LTBP2: variants seen among roughly 807,000 people sequenced by gnomAD.
LTBP2 encodes the protein latent transforming growth factor beta binding protein 2.
In LTBP2, 103 loss-of-function variants were observed where a neutral mutation model predicts 210.6. The observed-to-expected ratio is 0.49, with a 90% confidence interval of 0.42 to 0.58. The LOEUF is 0.58. Ranked by LOEUF, LTBP2 falls within the 20% of genes least tolerant of loss-of-function variation. The pLI is 0.00. For synonymous variants in LTBP2, 1,007 were observed against 1,015.0 expected, an observed-to-expected ratio of 0.99 and a Z score of 0.15; for missense variants, 2,313 against 2,494.5, an observed-to-expected ratio of 0.93 and a Z score of 1.55.
At chr14:74,525,009 C>T (rs2087253543) in intron 15 of LTBP2, 115 bp downstream of exon 15, 2 of 519,800 alleles carry the variant, frequency 3.8e-6, no homozygotes, top group South Asian at 1.3e-4. Flanking sequence ...GGGACTTTAC[C>T]TAGTTGGAAA....
rs59313477 is a variant in LTBP2, at chr14:74,604,164, CA to C, written c.495-460del. Among the ~76,000 whole-genome samples, 77 of 72,736 alleles carry C rather than the reference CA, an allele frequency of 1.1e-3. 1 individual carries two copies. Among genetic ancestry groups the C allele is most frequent in the East Asian group, 4.5e-3 (10 of 2,232 alleles). 47.7% of individuals were successfully genotyped at this position (72,736 alleles called of 152,430 possible). ...GCTCCAACTCTACATTGCCTCTCACCAAAAAAAAAAAAAAAAAAAACCACAC... is the reference window on the plus strand; with the variant it reads ...GCTCCAACTCTACATTGCCTCTCACCAAAAAAAAAAAAAAAAAAACCACAC... On this transcript the variant is annotated intron_variant, in intron 1 of 35. Transcript: ENST00000261978.
At chr14:74,507,613 C>T (rs1033835190) in intron 25 of LTBP2, among the ~76,000 whole-genome samples, 2 of 152,220 alleles carry the variant, frequency 1.3e-5, no homozygotes, top group African/African-American at 2.4e-5. Flanking sequence ...TCTCTTTACA[C>T]GAAGCCTTCA....
Position 74,503,370 on chromosome 14 carries a change from G to A in LTBP2, c.4737C>T (p.His1579=), listed in dbSNP as rs748301004. Reference sequence around the variant, plus strand: ...TCCAGCAGATGTCCATGTGGATGTCGTGGTCAGGGAGGTCCTCTGGTGGCA... The same window carrying A: ...TCCAGCAGATGTCCATGTGGATGTCATGGTCAGGGAGGTCCTCTGGTGGCA... ...STSSTEDLPD[H]DIHMDICWKK... is the part of the protein sequence containing the mutation. The change falls in exon 33 of 36, where the codon CAC becomes CAT. Residue 1579 remains histidine (H), a synonymous_variant. Transcript: ENST00000261978. The A allele has an allele frequency of 8.1e-6, 13 of 1,612,904 alleles. No homozygotes were observed. Among genetic ancestry groups the A allele is most frequent in the African/African-American group, 4.0e-5 (3 of 74,926 alleles).
In LTBP2 at chr14:74,505,180, C is replaced by A; in HGVS notation, c.4178-6G>T. The A allele has an allele frequency of 6.2e-7, 1 of 1,611,970 alleles. No homozygotes were observed. On this transcript the variant is annotated splice_region_variant and splice_polypyrimidine_tract_variant and intron_variant, in intron 28 of 35. Transcript: ENST00000261978. ...GGCCTCAGACATACTCTGACCTGTG[C>A]GTGACAGATGCTCATTACTGTCTGT... is the stretch of plus-strand genomic sequence containing the variant.
At position 74,504,773 on chromosome 14, in the gene LTBP2, A is replaced by G. The variant is rs1488953339; in HGVS notation, c.4453+5T>C. ...GAGTTTGGGGCAGAGGATGGAGCAG[A>G]TTACCTGTGTACATGGTCTGTCCAA... On this transcript the variant is annotated splice_donor_5th_base_variant and intron_variant, in intron 30 of 35. Transcript: ENST00000261978. The G allele has an allele frequency of 1.2e-6, 2 of 1,614,020 alleles. No individual in the cohort carries two copies.
Position 74,522,865 on chromosome 14 carries a change from C to T in LTBP2, c.2584G>A (p.Val862Met), listed in dbSNP as rs150604905. 84 of 1,612,746 alleles carry T rather than the reference C, an allele frequency of 5.2e-5. 1 individual carries two copies. The Admixed American group carries it at 9.5e-4, about 18-fold the overall frequency. ...ATNVCGPGTCVNLPDGYRCVC... is the reference protein window; with the variant it reads ...ATNVCGPGTCMNLPDGYRCVC... ...CATCTGTATCCATCGGGGAGGTTCA[C>T]GCAGGTTCCAGGGCCACAGACGTTG... Residue 862 changes from valine to methionine, a missense_variant, in exon 16 of 36, where the codon GTG becomes ATG. Physicochemically the swap from Val to Met is conservative, Grantham distance 21 (BLOSUM62 1). Around this residue, in one of 3 missense-constraint regions of LTBP2, gnomAD observed 1,867 missense variants for 1,976.9 expected, o/e 0.94. Coordinates refer to ENST00000261978, the MANE Select transcript of LTBP2 (RefSeq NM_000428.3).
At chr14:74,502,517 A>T in intron 34 of LTBP2, 136 bp downstream of exon 34, 1 of 1,225,142 alleles carries the variant, frequency 8.2e-7, no homozygotes, top group Non-Finnish European at 1.2e-6. Context: ...GCGAGCCGTG[A>T]ACGGGGACCT....
chr14:74,592,331 T>G (rs2088293874), intron 2 of LTBP2, among the ~76,000 whole-genome samples: 1 of 152,164 alleles, frequency 6.6e-6, no homozygotes, highest in South Asian at 2.1e-4. Context: ...CGAGTCTTCA[T>G]GTTTTGCCCT....
chr14:74,502,574 A>G, intron 34 of LTBP2, 79 bp downstream of exon 34: 2 of 1,594,514 alleles, frequency 1.3e-6, no homozygotes, highest in Non-Finnish European at 1.7e-6. Context: ...CCTGCTGGCA[A>G]TATGACTAGC....
intron 8 of LTBP2, among the ~76,000 whole-genome samples, chr14:74,538,716 G>A (rs1049068058): frequency 2.0e-5 from 3 of 152,258 alleles, no homozygotes; most frequent in African/African-American, 7.2e-5. Flanking sequence ...AATTAGTAAC[G>A]CTTAACTTTT....
At chr14:74,603,843 T>G (rs910543014) in intron 1 of LTBP2, 138 bp from the exon 2 acceptor site, 1 of 737,658 alleles carries the variant, frequency 1.4e-6, no homozygotes. Context: ...CCTATTCTAC[T>G]TGCAAATCTA....
chr14:74,600,813 C>G (rs1016249507), intron 2 of LTBP2, among the ~76,000 whole-genome samples: 13 of 152,326 alleles, frequency 8.5e-5, no homozygotes, highest in African/African-American at 3.1e-4. Context: ...CTCCTGAGTC[C>G]TGGAAGGCCC....
At chr14:74,509,501 C>G in intron 21 of LTBP2, 138 bp from the exon 22 acceptor site, 2 of 1,320,718 alleles carry the variant, frequency 1.5e-6, no homozygotes, top group Admixed American at 3.9e-5. Flanking sequence ...CCCAGGACAG[C>G]CCTGCCCTCA....
intron 7 of LTBP2, 63 bp downstream of exon 7, chr14:74,551,001 G>A: frequency 2.5e-6 from 4 of 1,588,930 alleles, no homozygotes; most frequent in Non-Finnish European, 3.5e-6. Flanking sequence ...GAGGAGAAGG[G>A]CAGACTGGGG....
At chr14:74,529,420 G>A (rs1259491861) in intron 10 of LTBP2, among the ~76,000 whole-genome samples, 2 of 152,198 alleles carry the variant, frequency 1.3e-5, no homozygotes, top group Non-Finnish European at 1.5e-5. Context: ...CTCCAGTGCC[G>A]AGTTTAGAAG....
At chr14:74,593,414 T>C (rs551083409) in intron 2 of LTBP2, among the ~76,000 whole-genome samples, 176 of 152,308 alleles carry the variant, frequency 1.2e-3, no homozygotes, top group African/African-American at 4.0e-3. Context: ...CTTGGACACA[T>C]GTCATCTCGC....
chr14:74,547,148 G>A (rs2087587873), intron 8 of LTBP2, among the ~76,000 whole-genome samples: 1 of 152,208 alleles, frequency 6.6e-6, no homozygotes, highest in Non-Finnish European at 1.5e-5. Flanking sequence ...TGGCAGATGT[G>A]ACATATAAGT....
chr14:74,511,488 A>G, intron 18 of LTBP2, 124 bp from the exon 19 acceptor site: 5 of 1,229,948 alleles, frequency 4.1e-6, no homozygotes, highest in East Asian at 2.4e-5. Context: ...GGAAACTAGG[A>G]AAGAATGAGA....
chr14:74,532,331 G>T, intron 10 of LTBP2, 95 bp downstream of exon 10: 1 of 1,559,932 alleles, frequency 6.4e-7, no homozygotes. Context: ...GATCAGGTCT[G>T]GGGAAAATTG....
Sources: gnomAD v4.1 joint callset for allele counts (sites outside exome capture counted in the v4.1 genomes callset) on GRCh38, gnomAD v4.1.1 for gene constraint, gnomAD v4.1.1 regional missense constraint, MANE v1.5 for transcripts, NCBI Gene and HGNC (gene_info 2026-07-23, HGNC 2026-07-21) for gene names.